The following PDXDC1 variants were observed in gnomAD, a reference collection of about 807,000 sequenced individuals.
PDXDC1 encodes pyridoxal-dependent decarboxylase domain-containing protein 1.
Under a neutral mutation model 100.1 loss-of-function variants are expected in PDXDC1, and 42 were observed. The observed-to-expected ratio is 0.42, with a 90% confidence interval of 0.33 to 0.54. The LOEUF (loss-of-function observed/expected upper bound fraction) is 0.54. Ranked by LOEUF, PDXDC1 falls within the 20% of genes least tolerant of loss-of-function variation. The pLI is 0.10. For missense variants in PDXDC1, 636 were observed against 979.2 expected, an observed-to-expected ratio of 0.65 and a Z score of 4.68; for synonymous variants, 260 against 371.7, an observed-to-expected ratio of 0.70 and a Z score of 3.46.
chr16:15,101,076 T>C (rs537168756), intron 16 of PDXDC1, among the ~76,000 whole-genome samples: 1 of 152,334 alleles, frequency 6.6e-6, no homozygotes. Flanking sequence ...TTCAATTTTC[T>C]TATGTACAAA....
chr16:15,130,568 T>A (rs576715294), intron 16 of PDXDC1: 2 of 1,381,994 alleles, frequency 1.4e-6, no homozygotes, highest in African/African-American at 1.4e-5. Context: ...CCACAGGGCC[T>A]GTAACCCGGG....
chr16:15,099,609 AAGGGGGTGGGG>A (rs1486939743), intron 16 of PDXDC1, among the ~76,000 whole-genome samples: 1 of 151,980 alleles, frequency 6.6e-6, no homozygotes, highest in African/African-American at 2.4e-5. Flanking sequence ...AGAGAAAATA[AAGGGGGTGGGG>A]GAGGGATAAA....
intron 14 of PDXDC1, 27 bp from the exon 15 acceptor site, chr16:15,028,851 G>A (rs1597637857): frequency 1.2e-6 from 2 of 1,607,484 alleles, no homozygotes; most frequent in Admixed American, 3.3e-5. Flanking sequence ...TTCTGGGAGT[G>A]ACTCCCTTTC....
intron 19 of PDXDC1, among the ~76,000 whole-genome samples, chr16:15,033,650 T>C (rs1314722158): frequency 6.6e-6 from 1 of 152,184 alleles, no homozygotes; most frequent in East Asian, 1.9e-4. Flanking sequence ...AACCCTGCCT[T>C]AGAGAAGAGG....
At chr16:15,017,949 C>T (rs1597539767) in intron 11 of PDXDC1, among the ~76,000 whole-genome samples, 1 of 152,222 alleles carries the variant, frequency 6.6e-6, no homozygotes, top group Admixed American at 6.5e-5. Context: ...CATGCGCCAC[C>T]ACGCCCGGCT....
Position 15,106,555 on chromosome 16 carries a change from A to C in PDXDC1, c.1400-32324A>C, listed in dbSNP as rs536087701. Among the ~76,000 whole-genome samples the C allele has an allele frequency of 2.0e-5, 3 of 150,262 alleles. No individual in the cohort carries two copies. The East Asian group carries it at 5.8e-4, about 29-fold the overall frequency. The stretch of plus-strand genomic sequence containing the variant: ...TGGATCACGAGGTCAGGAGATTGAG[A>C]CCATCCTGGCTAATACAGTGAAACC... On this transcript the variant is annotated intron_variant, in intron 16 of 16. Coordinates refer to the PDXDC1 transcript ENST00000535621.
At chr16:15,123,611 C>G in intron 16 of PDXDC1, 1 of 613,920 alleles carries the variant, frequency 1.6e-6, no homozygotes, top group East Asian at 2.8e-5. Context: ...TTTAAGCATG[C>G]ATGGTACATT....
At chr16:14,985,729 A>G (rs1273349442) in intron 1 of PDXDC1, among the ~76,000 whole-genome samples, 1 of 152,288 alleles carries the variant, frequency 6.6e-6, no homozygotes, top group Non-Finnish European at 1.5e-5. Context: ...TTAACATTAC[A>G]TATGTAATAT....
At chr16:15,048,130 A>C in intron 16 of PDXDC1, 1 of 1,450,836 alleles carries the variant, frequency 6.9e-7, no homozygotes, top group Non-Finnish European at 9.6e-7. Flanking sequence ...TAAAATAGTG[A>C]TGTAAATTAG....
At chr16:15,140,113 A>AAAAAAG (rs2048443265), downstream of PDXDC1, among the ~76,000 whole-genome samples, 1 of 149,944 alleles carries the variant, frequency 6.7e-6, no homozygotes, top group Non-Finnish European at 1.5e-5. Context: ...AAAAAAAAAA[A>AAAAAAG]AAAAAGAAAA....
At chr16:15,070,239 G>A in intron 16 of PDXDC1, 1 of 1,611,100 alleles carries the variant, frequency 6.2e-7, no homozygotes, top group Non-Finnish European at 8.5e-7. Flanking sequence ...AAAGATCTAG[G>A]CATGATTTTA....
At chr16:15,129,258 CAGG>C (rs2047925554) in intron 16 of PDXDC1, among the ~76,000 whole-genome samples, 1 of 151,144 alleles carries the variant, frequency 6.6e-6, no homozygotes, top group African/African-American at 2.4e-5. Context: ...CACCTGAGGT[CAGG>C]AGTTCGCCTG....
At chr16:14,996,205 A>G (rs1465108866) in intron 1 of PDXDC1, among the ~76,000 whole-genome samples, 2 of 152,276 alleles carry the variant, frequency 1.3e-5, no homozygotes, top group Non-Finnish European at 2.9e-5. Context: ...CTAGAATGTA[A>G]CAATTTCTGA....
chr16:15,127,986 C>T, intron 16 of PDXDC1: 1 of 1,586,008 alleles, frequency 6.3e-7, no homozygotes, highest in Non-Finnish European at 8.6e-7. Flanking sequence ...TGGAACGAGG[C>T]CTTACTCGCG....
Position 14,975,192 on chromosome 16 carries a change from C to T in PDXDC1, c.-8C>T, listed in dbSNP as rs1487088601. On this transcript the variant is annotated 5_prime_UTR_variant, in exon 1 of 23. Coordinates refer to ENST00000396410, the MANE Select transcript of PDXDC1 (RefSeq NM_015027.4). ...GGGACCGCCAGGCCACCACCGGCCG[C>T]CTCAGCCATGGACGCGTCCCTGGAG... 5.0e-5 allele frequency: 72 copies of T among 1,448,836 alleles called. No individual in the cohort carries two copies. Among genetic ancestry groups the T allele is most frequent in the Non-Finnish European group, 6.2e-5 (69 of 1,111,338 alleles). 89.7% of individuals were successfully genotyped at this position (1,448,836 alleles called of 1,614,324 possible). A position where few individuals can be genotyped will look rare whatever the true frequency, so the allele number is the denominator to read the frequency against.
chr16:15,079,555 T>C (rs1038107185), intron 16 of PDXDC1, among the ~76,000 whole-genome samples: 1 of 152,154 alleles, frequency 6.6e-6, no homozygotes, highest in Admixed American at 6.5e-5. Flanking sequence ...ATGCACACAT[T>C]CAAAGAAAGG....
chr16:14,977,839 C>G (rs1250461890), intron 1 of PDXDC1, among the ~76,000 whole-genome samples: 4 of 152,258 alleles, frequency 2.6e-5, no homozygotes, highest in Non-Finnish European at 4.4e-5. Context: ...TGTAAATGAT[C>G]CCATTTAAAC....
intron 1 of PDXDC1, among the ~76,000 whole-genome samples, chr16:14,983,572 CAAAAAAAAAAA>C (rs56258905): frequency 2.3e-5 from 2 of 88,430 alleles, no homozygotes; most frequent in South Asian, 4.7e-4. Context: ...GACTCCGTCT[CAAAAAAAAAAA>C]AAAAAAAAAA....
chr16:15,034,007 TG>T, intron 19 of PDXDC1: 1 of 538,092 alleles, frequency 1.9e-6, no homozygotes, highest in African/African-American at 1.9e-5. Flanking sequence ...CATTCCTTTC[TG>T]GGTGGACTCC....
Sources: gnomAD v4.1 joint callset for allele counts (sites outside exome capture counted in the v4.1 genomes callset) on GRCh38, gnomAD v4.1.1 for gene constraint, MANE v1.5 for transcripts, NCBI Gene and HGNC (gene_info 2026-07-23, HGNC 2026-07-21) for gene names.